Variants in SLC30A7 observed in about 807,000 individuals in gnomAD.
The protein encoded by SLC30A7 is solute carrier family 30 member 7, also known as zinc transporter 7.
SLC30A7 carries 35 observed loss-of-function variants against 46.0 expected under a neutral mutation model. The observed-to-expected ratio is 0.76, with a 90% CI of 0.58 to 1.01. The LOEUF (loss-of-function observed/expected upper bound fraction) is 1.01. Ranked by LOEUF, SLC30A7 falls within the 50% of genes least tolerant of loss-of-function variation. The pLI, the probability that SLC30A7 is intolerant of heterozygous loss-of-function variation, is 0.00. For missense variants in SLC30A7, 464 were observed against 451.1 expected (o/e 1.03, Z -0.26); for synonymous variants, 147 against 157.8 (o/e 0.93, Z 0.51).
chr1:100,986,215 GC>G (rs1254742940), downstream of SLC30A7, among the ~76,000 whole-genome samples: 1 of 152,078 alleles, frequency 6.6e-6, no homozygotes, highest in Non-Finnish European at 1.5e-5. Context: ...TTCGGGACCA[GC>G]CTGACCAACA....
At chr1:100,907,846 CCTTCT>C (rs1345315217) in intron 3 of SLC30A7, among the ~76,000 whole-genome samples, 1 of 151,990 alleles carries the variant, frequency 6.6e-6, no homozygotes, top group African/African-American at 2.4e-5. Flanking sequence ...ACTCCCTTTT[CCTTCT>C]CTTGTCTTTG....
Position 100,901,776 on chromosome 1 carries a change from G to C in SLC30A7, c.183-5076G>C, listed in dbSNP as rs146801821. ...CATGTTAAAATGTCTTTAGAAGGTA[G>C]TCATTTAAAAGAGTTTACAAATACA... On this transcript the variant is annotated intron_variant, in intron 2 of 10. Transcript: ENST00000357650. Among the ~76,000 whole-genome samples the C allele has an allele frequency of 9.6e-3, 1,466 of 152,250 alleles. 19 individuals are homozygous for C. Among genetic ancestry groups the C allele is most frequent in the African/African-American group, 0.034 (1,398 of 41,522 alleles).
intron 2 of SLC30A7, among the ~76,000 whole-genome samples, chr1:100,905,670 G>A (rs377458207): frequency 6.6e-6 from 1 of 151,724 alleles, no homozygotes; most frequent in Non-Finnish European, 1.5e-5. Context: ...CTTTCTCTCT[G>A]TGTCCAGTCT....
intron 8 of SLC30A7, among the ~76,000 whole-genome samples, chr1:100,930,890 A>G (rs915170445): frequency 6.6e-6 from 1 of 152,174 alleles, no homozygotes; most frequent in Non-Finnish European, 1.5e-5. Context: ...TTAGTCTAAC[A>G]GCCTTTCTCA....
chr1:100,994,859 A>C, the SLC30A7 span, among the ~76,000 whole-genome samples: 2 of 152,156 alleles, frequency 1.3e-5, no homozygotes, highest in African/African-American at 4.8e-5. Context: ...CCAACGCATT[A>C]ATTCATTCCA....
intron 8 of SLC30A7, 103 bp from the exon 9 acceptor site, chr1:100,961,725 A>G: frequency 1.9e-6 from 1 of 538,320 alleles, no homozygotes; most frequent in Non-Finnish European, 3.3e-6. Context: ...TTATTCCCGT[A>G]AGTCCTATTA....
At chr1:100,972,335 A>G (rs1401205090) in intron 10 of SLC30A7, 1 of 280,398 alleles carries the variant, frequency 3.6e-6, no homozygotes, top group Non-Finnish European at 7.5e-6. Context: ...ATCGGGCCAG[A>G]TGGATAAAGC....
intron 10 of SLC30A7, among the ~76,000 whole-genome samples, chr1:100,969,127 C>T (rs926359807): frequency 1.4e-4 from 21 of 152,114 alleles, no homozygotes; most frequent in Admixed American, 5.2e-4. Context: ...TATGCTGGTA[C>T]CACTTATTTA....
chr1:100,929,747 A>G (rs1446625103), intron 8 of SLC30A7, among the ~76,000 whole-genome samples: 1 of 152,032 alleles, frequency 6.6e-6, no homozygotes, highest in East Asian at 1.9e-4. Flanking sequence ...CTACACAGAC[A>G]AAGGGTGATA....
chr1:100,930,823 A>G (rs984297657), intron 8 of SLC30A7, among the ~76,000 whole-genome samples: 1 of 152,092 alleles, frequency 6.6e-6, no homozygotes, highest in Non-Finnish European at 1.5e-5. Flanking sequence ...TTGCATAGTT[A>G]TTGTATTCTT....
chr1:100,896,474 C>T (rs1344356503), intron 1 of SLC30A7, 96 bp from the exon 2 acceptor site: 5 of 1,411,452 alleles, frequency 3.5e-6, no homozygotes, highest in Non-Finnish European at 4.0e-6. Flanking sequence ...AAGAAAGGAG[C>T]ATGTGAACTG....
chr1:100,987,198 C>T, the SLC30A7 span, among the ~76,000 whole-genome samples: 198 of 152,242 alleles, frequency 1.3e-3, no homozygotes, highest in Non-Finnish European at 1.2e-3. Context: ...TTACCTGTTA[C>T]GTTAGTTATG....
At chr1:100,939,503 C>G (rs939060912) in intron 8 of SLC30A7, among the ~76,000 whole-genome samples, 1 of 151,900 alleles carries the variant, frequency 6.6e-6, no homozygotes, top group Non-Finnish European at 1.5e-5. Context: ...ACACAGAAGT[C>G]GACTCGAACA....
At chr1:100,966,353 T>G (rs7538863) in intron 10 of SLC30A7, among the ~76,000 whole-genome samples, 41,992 of 151,198 alleles carry the variant, frequency 0.28, 6,056 homozygotes, top group African/African-American at 0.36. Context: ...GGAGGCTGAG[T>G]CAGGTGGATC....
rs1013514996 is a variant in SLC30A7, at chr1:100,954,990, C to T, written c.843-6838C>T. 2.6e-5 allele frequency among the ~76,000 whole-genome samples: 4 copies of T among 151,918 alleles called. 1 individual carries two copies. The highest frequency in any genetic ancestry group is 7.2e-5 in the African/African-American group (3 of 41,396). Reference sequence around the variant, plus strand: ...TGTTTGTAGATTGTAAGAACCCCTACAATATATAGGAAAACTTAGCTCATA... The same window carrying T: ...TGTTTGTAGATTGTAAGAACCCCTATAATATATAGGAAAACTTAGCTCATA... On this transcript the variant is annotated intron_variant, in intron 8 of 10. Transcript: ENST00000357650.
chr1:100,945,468 G>A (rs549901037), intron 8 of SLC30A7, among the ~76,000 whole-genome samples: 12 of 152,286 alleles, frequency 7.9e-5, no homozygotes, highest in African/African-American at 2.6e-4. Context: ...TTTGTATAAG[G>A]TGTAAGGAAA....
chr1:100,925,984 A>G (rs1002393331), intron 8 of SLC30A7, among the ~76,000 whole-genome samples: 1 of 152,164 alleles, frequency 6.6e-6, no homozygotes, highest in Non-Finnish European at 1.5e-5. Flanking sequence ...ATCCCTCAGT[A>G]TGGTACTCCT....
intron 2 of SLC30A7, 87 bp from the exon 3 acceptor site, chr1:100,906,765 A>G: frequency 1.2e-6 from 1 of 867,108 alleles, no homozygotes. Flanking sequence ...ATTCCTGATG[A>G]ACAAAGGCTG....
At chr1:100,994,433 A>C in the SLC30A7 span, among the ~76,000 whole-genome samples, 1 of 152,176 alleles carries the variant, frequency 6.6e-6, no homozygotes, top group Admixed American at 6.5e-5. Flanking sequence ...CTAAGTAAAA[A>C]AGGATTAGTA....
Sources: allele counts gnomAD v4.1 joint callset (sites outside exome capture counted in the v4.1 genomes callset), GRCh38; gene constraint gnomAD v4.1.1; transcripts MANE v1.5; gene names NCBI Gene and HGNC (gene_info 2026-07-23, HGNC 2026-07-21).